The following CENPF variants were observed in gnomAD, a reference collection of about 807,000 sequenced individuals.
CENPF encodes AH antigen.
A neutral mutation model predicts 307.3 loss-of-function variants in CENPF; 214 were observed. The observed-to-expected ratio is 0.70, with a 90% CI of 0.62 to 0.78. The LOEUF (loss-of-function observed/expected upper bound fraction) is 0.78, where lower values mean the gene tolerates loss of function less well. Ranked by LOEUF, CENPF falls within the 30% of genes least tolerant of loss-of-function variation. The pLI is 0.00. For synonymous variants in CENPF, 1,259 were observed against 1,270.6 expected (o/e 0.99, Z 0.19); for missense variants, 3,401 against 3,483.9 (o/e 0.98, Z 0.60).
intron 8 of CENPF, among the ~76,000 whole-genome samples, chr1:214,629,464 A>C (rs1657745320): frequency 6.6e-6 from 1 of 152,038 alleles, no homozygotes; most frequent in Non-Finnish European, 1.5e-5. Flanking sequence ...CTTCTTTTGG[A>C]CATTTTCTCT....
At position 214,613,737 on chromosome 1, in the gene CENPF, T is replaced by C; in HGVS notation, c.-18T>C. 1 of 1,572,644 alleles carries C rather than the reference T, an allele frequency of 6.4e-7. No homozygotes were observed. Among genetic ancestry groups the C allele is most frequent in the Non-Finnish European group, 8.6e-7 (1 of 1,162,062 alleles). ...AGTTTATTTACAAATGTTGGAGTAA[T>C]AAAGAAGGCAGAACAAAATGAGCTG... On this transcript the variant is annotated 5_prime_UTR_variant, in exon 2 of 20. Coordinates refer to ENST00000366955, the MANE Select transcript of CENPF (RefSeq NM_016343.4).
chr1:214,632,486 T>C lies in CENPF; in HGVS notation c.1330T>C (p.Ser444Pro). The change falls in exon 10 of 20, where the codon TCA becomes CCA. Residue 444 changes from serine (S) to proline (P), a missense_variant. Transcript: ENST00000366955. ...VLQAELDKLT[S>P]VKQQLENNLE... ...TCTCTTTTTCTTTTTGTAGCTCACA[T>C]CAGTAAAGCAACAGCTAGAAAACAA... 6.2e-7 allele frequency: 1 copy of C among 1,613,528 alleles called. No individual in the cohort carries two copies. The highest frequency in any genetic ancestry group is 8.5e-7 in the Non-Finnish European group (1 of 1,179,786).
chr1:214,644,570 G>A lies in CENPF; in HGVS notation c.5000G>A (p.Arg1667Gln), dbSNP rs201574754. Residue 1667 changes from arginine (R) to glutamine (Q), a missense_variant, in exon 13 of 20, where the codon CGA becomes CAA. Coordinates refer to ENST00000366955, the MANE Select transcript of CENPF (RefSeq NM_016343.4). ...TTATAATTACAGGCTATTCAAGGCCGAAATGAGAGCTGTGACATATCAAAA... is the reference window on the plus strand; with the variant it reads ...TTATAATTACAGGCTATTCAAGGCCAAAATGAGAGCTGTGACATATCAAAA... ...GIDTEDAIQG[R>Q]NESCDISKEH... is the part of the protein sequence containing the mutation. The A allele has an allele frequency of 1.0e-5, 16 of 1,591,238 alleles. No homozygotes were observed. Among genetic ancestry groups the A allele is most frequent in the South Asian group, 6.8e-5 (6 of 87,978 alleles).
Position 214,642,769 on chromosome 1 carries a change from A to G in CENPF, c.4431A>G (p.Ser1477=). 6.2e-7 allele frequency: 1 copy of G among 1,613,988 alleles called. No individual in the cohort carries two copies. Among genetic ancestry groups the G allele is most frequent in the Non-Finnish European group, 8.5e-7 (1 of 1,179,948 alleles). ...AGGAGGGGCTCGTTCCATCCCTGTC[A>G]TCCTCTTGTGTGCCTGACAGCTCTA... The part of the protein sequence containing the change: ...GLEEGLVPSL[S]SSCVPDSSSL... The change falls in exon 12 of 20, where the codon TCA becomes TCG. Residue 1477 remains serine (S), a synonymous_variant. Coordinates refer to ENST00000366955, the MANE Select transcript of CENPF (RefSeq NM_016343.4).
Position 214,659,779 on chromosome 1 carries a change from C to T in CENPF, c.9141+751C>T, listed in dbSNP as rs1658744777. On this transcript the variant is annotated intron_variant, in intron 19 of 19. Transcript: ENST00000366955. This position sits in a 1 kb window ranked among gnomAD's most constrained non-coding sequence, Gnocchi z 4.4. ...AAAGATGTAACCTCCCAGTGTGAAC[C>T]CCTACTTCCTCTCAACTCCACAGTC... Among the ~76,000 whole-genome samples, 1 of 152,146 alleles carries T rather than the reference C, an allele frequency of 6.6e-6. No individual in the cohort carries two copies. Among genetic ancestry groups the T allele is most frequent in the Admixed American group, 6.5e-5 (1 of 15,278 alleles).
rs771583937 is a variant in CENPF, at chr1:214,639,963, A to G, written c.1625A>G (p.Glu542Gly). 4.5e-6 allele frequency: 7 copies of G among 1,563,866 alleles called. No individual in the cohort carries two copies. The South Asian group carries it at 8.5e-5, about 19-fold the overall frequency. The change falls in exon 12 of 20, where the codon GAA becomes GGA. Residue 542 changes from glutamate (E) to glycine (G), a missense_variant. Transcript: ENST00000366955. ...GAAACCATGTTAAGAGATCTTCAAG[A>G]AAAAATAAATCAGCAAGAAAACTCC... ...SQETMLRDLQ[E>G]KINQQENSLT...
chr1:214,647,692 A>G (rs541955427), intron 13 of CENPF, among the ~76,000 whole-genome samples: 1 of 152,146 alleles, frequency 6.6e-6, no homozygotes, highest in African/African-American at 2.4e-5. Context: ...TCCTTGTTCT[A>G]GTTATATTTC....
chr1:214,645,408 TG>T lies in CENPF; in HGVS notation c.5839del (p.Val1947SerfsTer21). On this transcript the variant is annotated frameshift_variant, in exon 13 of 20. Transcript: ENST00000366955. LOFTEE classifies it high-confidence loss of function. ...ACAATGAAAATAAGCAGAAGGTTAT[TG>T]TCTGCCTTGAAGAAGAACTCTCAGT... ...KDNENKQKVI[V>X]CLEEELSVVT... The T allele has an allele frequency of 6.2e-7, 1 of 1,614,074 alleles. No individual in the cohort carries two copies. The highest frequency in any genetic ancestry group is 8.5e-7 in the Non-Finnish European group (1 of 1,179,998).
In CENPF at chr1:214,642,707, C is replaced by G. The variant is rs1229204638; in HGVS notation, c.4369C>G (p.Gln1457Glu). ...CTTGTCAACGAATCTGAGAAACTTT[C>G]AAGGTGACTTGGTGAAGGAGATGCA... ...LVLSTNLRNF[Q>E]GDLVKEMQLG... Residue 1457 changes from glutamine (Q) to glutamate (E), a missense_variant, in exon 12 of 20, where the codon CAA (glutamine) becomes GAA (glutamate). Gln to Glu is a conservative substitution (Grantham distance 29). Transcript: ENST00000366955. 1.2e-5 allele frequency: 20 copies of G among 1,614,028 alleles called. No individual in the cohort carries two copies. The highest frequency in any genetic ancestry group is 1.5e-5 in the Non-Finnish European group (18 of 1,180,044).
In CENPF at chr1:214,614,831, G is replaced by A; in HGVS notation, c.163-1G>A. ...ATTGTCTTCTGAACAATTCTCATTAGGTTGAAAATGAAAAAACCGAGGGTA... is the reference window on the plus strand; with the variant it reads ...ATTGTCTTCTGAACAATTCTCATTAAGTTGAAAATGAAAAAACCGAGGGTA... On this transcript the variant is annotated splice_acceptor_variant, in intron 2 of 19. Coordinates refer to ENST00000366955, the MANE Select transcript of CENPF (RefSeq NM_016343.4). LOFTEE classifies it high-confidence loss of function. 6.4e-7 allele frequency: 1 copy of A among 1,565,406 alleles called. No homozygotes were observed. Among genetic ancestry groups the A allele is most frequent in the African/African-American group, 1.4e-5 (1 of 72,618 alleles).
At chr1:214,606,286 CCCGTTCCCTGGCGCTG>C (rs141241511) in intron 1 of CENPF, among the ~76,000 whole-genome samples, 12,748 of 152,094 alleles carry the variant, frequency 0.084, 644 homozygotes, top group South Asian at 0.16. Context: ...GCGGCCCCAC[CCCGTTCCCTGGCGCTG>C]CCGTTCCCTG....
At chr1:214,637,759 C>T in intron 10 of CENPF, 107 bp from the exon 11 acceptor site, 3 of 1,063,010 alleles carry the variant, frequency 2.8e-6, no homozygotes, top group South Asian at 1.9e-5. Flanking sequence ...TGATTCTTTC[C>T]CTAGTGAGAT....
chr1:214,640,312 T>A lies in CENPF; in HGVS notation c.1974T>A (p.Ser658Arg). The change falls in exon 12 of 20, where the codon AGT becomes AGA. Residue 658 changes from serine (S) to arginine (R), a missense_variant. Transcript: ENST00000366955. Reference protein sequence around the residue: ...ETCLKTQQIKSHEYNERVRTL... With the variant: ...ETCLKTQQIKRHEYNERVRTL... ...GTCTGAAGACACAGCAAATAAAAAG[T>A]CATGAATACAACGAGAGAGTAAGAA... The A allele has an allele frequency of 1.2e-6, 2 of 1,613,902 alleles. No homozygotes were observed. The highest frequency in any genetic ancestry group is 2.2e-5 in the South Asian group (2 of 91,054).
At chr1:214,650,408 T>C (rs1289024501) in intron 14 of CENPF, among the ~76,000 whole-genome samples, 1 of 151,816 alleles carries the variant, frequency 6.6e-6, no homozygotes, top group Non-Finnish European at 1.5e-5. Context: ...GTTCAACATA[T>C]AGGGAGTATT....
Position 214,658,842 on chromosome 1 carries a change from G to T in CENPF, c.8963-8G>T. On this transcript the variant is annotated splice_polypyrimidine_tract_variant and splice_region_variant and intron_variant, in intron 18 of 19. Transcript: ENST00000366955. ...AGCAGTGCTGACAGTTATTTTTTTT[G>T]CCCTTAGGGTTTGCTGACATCCCGA... 1 of 1,602,708 alleles carries T rather than the reference G, an allele frequency of 6.2e-7. No homozygotes were observed. Among genetic ancestry groups the T allele is most frequent in the Non-Finnish European group, 8.5e-7 (1 of 1,176,220 alleles).
At position 214,640,666 on chromosome 1, in the gene CENPF, A is replaced by G. The variant is rs1658085560; in HGVS notation, c.2328A>G (p.Thr776=). Residue 776 remains threonine, a synonymous_variant, in exon 12 of 20, where the codon ACA becomes ACG. Coordinates refer to ENST00000366955, the MANE Select transcript of CENPF (RefSeq NM_016343.4). ...LLKSKDASLV[T]NEDHQRSLLA... The stretch of plus-strand genomic sequence containing the variant: ...AATCCAAAGATGCTTCTCTGGTGAC[A>G]AATGAAGATCATCAGAGAAGTCTTT... 6.2e-7 allele frequency: 1 copy of G among 1,614,078 alleles called. No individual in the cohort carries two copies. The highest frequency in any genetic ancestry group is 1.3e-5 in the African/African-American group (1 of 75,054).
rs750521690 is a variant in CENPF at position 214,652,786 on chromosome 1, G to C, written c.8161-42G>C. On this transcript the variant is annotated intron_variant, in intron 15 of 19. Coordinates refer to ENST00000366955, the MANE Select transcript of CENPF (RefSeq NM_016343.4). ...TATTTTTTTTTAGCTGTGCCTCCTG[G>C]CTAAAGTAACATTTTGGTTTTTTTT... The C allele has an allele frequency of 6.3e-5, 95 of 1,509,236 alleles. No homozygotes were observed. In the Middle Eastern group the frequency reaches 2.1e-3, roughly 33 times the overall value. 93.5% of individuals were successfully genotyped at this position (1,509,236 alleles called of 1,614,324 possible). A position where few individuals can be genotyped will look rare whatever the true frequency, so the allele number is the denominator to read the frequency against.
chr1:214,648,072 A>C (rs17023384), intron 13 of CENPF: 32,568 of 412,560 alleles, frequency 0.079, 1,799 homozygotes, highest in South Asian at 0.15. Context: ...TGATTTTGTC[A>C]CACTTAATTC....
rs1488186694 is a variant in CENPF at position 214,643,249 on chromosome 1, G to A, written c.4911G>A (p.Glu1637=). ...EKKQTEQLSL[E]LEVARLQLQG... ...AACAGACGGAACAACTGTCACTTGA[G>A]CTGGAAGTAGCACGACTCCAGCTAC... The change falls in exon 12 of 20, where the codon GAG becomes GAA. Residue 1637 remains glutamate (E), a synonymous_variant. Transcript: ENST00000366955. The A allele has an allele frequency of 3.2e-6, 5 of 1,583,746 alleles. No homozygotes were observed. The highest frequency in any genetic ancestry group is 4.5e-5 in the East Asian group (2 of 44,710).
Sources: gnomAD v4.1 joint callset for allele counts (sites outside exome capture counted in the v4.1 genomes callset) on GRCh38, gnomAD v4.1.1 for gene constraint, Gnocchi (gnomAD v3.1) non-coding constraint, MANE v1.5 for transcripts, NCBI Gene and HGNC (gene_info 2026-07-23, HGNC 2026-07-21) for gene names.